The following MTMR3 variants were observed in gnomAD, a reference collection of about 807,000 sequenced individuals.
The protein encoded by MTMR3 is phosphatidylinositol-3,5-bisphosphate 3-phosphatase MTMR3.
In MTMR3, 32 loss-of-function variants were observed where a neutral mutation model predicts 132.4. The ratio of observed to expected loss-of-function variants is 0.24; its 90% CI spans 0.18 to 0.32. The LOEUF is 0.32. MTMR3 is among the 10% of genes least tolerant of loss of function. MTMR3 has a pLI of 1.00. For missense variants in MTMR3, 1,216 were observed against 1,489.6 expected, an observed-to-expected ratio of 0.82 and a Z score of 3.02; for synonymous variants, 556 against 550.3, an observed-to-expected ratio of 1.01 and a Z score of -0.14.
Position 30,019,490 on chromosome 22 carries a change from A to T in MTMR3, c.1831A>T (p.Thr611Ser), listed in dbSNP as rs1240556142. The T allele has an allele frequency of 6.2e-7, 1 of 1,603,564 alleles. No individual in the cohort carries two copies. The highest frequency in any genetic ancestry group is 8.5e-7 in the Non-Finnish European group (1 of 1,178,418). Residue 611 changes from threonine (T) to serine (S), a missense_variant, in exon 17 of 20, where the codon ACT becomes TCT. Physicochemically the swap from Thr to Ser is moderately conservative, Grantham distance 58. Around this residue, in one of 7 missense-constraint regions of MTMR3, gnomAD observed 852 missense variants for 852.0 expected, o/e 1.00. Transcript: ENST00000401950. ...ATTCCTTTCCTTTAGGCTACCAAAG[A>T]CTAGATCATACGACAATCTGACCAC... The part of the protein sequence containing the change: ...DDPPLSRLPK[T>S]RSYDNLTTAC...
intron 9 of MTMR3, 144 bp from the exon 10 acceptor site, chr22:30,006,970 A>T: frequency 1.4e-6 from 1 of 719,438 alleles, no homozygotes; most frequent in Non-Finnish European, 2.3e-6. Context: ...TAAGATTTCT[A>T]CCCTCTTTAA....
chr22:29,954,036 C>CT lies in MTMR3; in HGVS notation c.-137-2991dup, dbSNP rs763813370. Among the ~76,000 whole-genome samples the CT allele has an allele frequency of 1.0e-3, 106 of 105,784 alleles. 1 individual carries two copies. The East Asian group carries it at 0.015, about 15-fold the overall frequency. The allele number at this position is 105,784 out of a possible 152,430, so 69.4% of individuals were successfully genotyped here. On this transcript the variant is annotated intron_variant, in intron 1 of 19. Coordinates refer to ENST00000401950, the MANE Select transcript of MTMR3 (RefSeq NM_021090.4). ...CTTTCAGACTCACCTCTACTTGGCC[C>CT]TTTTTTTTTCTTTCAAATGAGTCTT...
chr22:29,967,249 G>GCGCA (rs2066446021), intron 2 of MTMR3, among the ~76,000 whole-genome samples: 1 of 149,778 alleles, frequency 6.7e-6, no homozygotes, highest in Non-Finnish European at 1.5e-5. Context: ...GCGCGCGCGC[G>GCGCA]CATGTTTTTT....
intron 1 of MTMR3, among the ~76,000 whole-genome samples, chr22:29,913,270 TCTTAGTTATACA>T (rs2065248581): frequency 2.0e-5 from 3 of 151,944 alleles, no homozygotes; most frequent in African/African-American, 7.3e-5. Flanking sequence ...AAACAAAGGG[TCTTAGTTATACA>T]GATCTTCTTA....
chr22:29,925,452 G>T (rs1199714732), intron 1 of MTMR3, among the ~76,000 whole-genome samples: 1 of 151,942 alleles, frequency 6.6e-6, no homozygotes, highest in African/African-American at 2.4e-5. Context: ...AAGAGTAATT[G>T]TAGTGGATAA....
chr22:29,910,567 G>A (rs928574304), intron 1 of MTMR3, among the ~76,000 whole-genome samples: 1 of 152,120 alleles, frequency 6.6e-6, no homozygotes, highest in Non-Finnish European at 1.5e-5. Context: ...TTACTGTGGC[G>A]ACTATATGAT....
At chr22:29,965,236 T>C (rs2066391704) in intron 2 of MTMR3, among the ~76,000 whole-genome samples, 1 of 151,970 alleles carries the variant, frequency 6.6e-6, no homozygotes, top group Non-Finnish European at 1.5e-5. Context: ...TAACACATAC[T>C]AGATTATTGG....
chr22:30,023,771 G>T, intron 19 of MTMR3: 1 of 437,282 alleles, frequency 2.3e-6, no homozygotes, highest in Non-Finnish European at 4.2e-6. Context: ...AGGGGAACCA[G>T]TTGGGTTTTC....
In MTMR3 at chr22:30,020,592, G is replaced by A. The variant is rs931419555; in HGVS notation, c.2933G>A (p.Ser978Asn). 5.0e-6 allele frequency: 8 copies of A among 1,614,072 alleles called. No individual in the cohort carries two copies. Among genetic ancestry groups the A allele is most frequent in the African/African-American group, 1.3e-5 (1 of 74,936 alleles). Reference protein sequence around the residue: ...DSLSRQLSAMSCSSAHLHSRN... With the variant: ...DSLSRQLSAMNCSSAHLHSRN... The stretch of plus-strand genomic sequence containing the variant: ...CTGAGCCGTCAGCTGTCTGCTATGA[G>A]CTGCAGCTCTGCCCACTTACACTCA... The change falls in exon 17 of 20, where the codon AGC (serine) becomes AAC (asparagine). Residue 978 changes from serine (S) to asparagine (N), a missense_variant. By Grantham distance (46) the Ser-to-Asn change is conservative. Coordinates refer to ENST00000401950, the MANE Select transcript of MTMR3 (RefSeq NM_021090.4).
chr22:30,007,846 A>C (rs2067307142), intron 10 of MTMR3, 55 bp from the exon 11 acceptor site: 1 of 1,591,642 alleles, frequency 6.3e-7, no homozygotes, highest in Non-Finnish European at 8.6e-7. Flanking sequence ...CTAATTCTGC[A>C]CAGTTCTGGG....
In MTMR3 at chr22:30,020,174, G is replaced by A. The variant is rs777456620; in HGVS notation, c.2515G>A (p.Gly839Arg). The change falls in exon 17 of 20, where the codon GGA (glycine) becomes AGA (arginine). Residue 839 changes from glycine to arginine, a missense_variant. Gly to Arg is a moderately radical substitution (Grantham distance 125). Around this residue, in one of 7 missense-constraint regions of MTMR3, gnomAD observed 852 missense variants for 852.0 expected, o/e 1.00. Coordinates refer to ENST00000401950, the MANE Select transcript of MTMR3 (RefSeq NM_021090.4). ...LPSQVPFETR[G>R]PNVDSSTDML... ...TTCCCAAGTCCCTTTTGAGACCAGA[G>A]GACCAAACGTGGACAGTTCTACAGA... 1 of 1,614,180 alleles carries A rather than the reference G, an allele frequency of 6.2e-7. No homozygotes were observed.
At chr22:29,900,592 A>G (rs1214150666) in intron 1 of MTMR3, among the ~76,000 whole-genome samples, 1 of 152,148 alleles carries the variant, frequency 6.6e-6, no homozygotes, top group Non-Finnish European at 1.5e-5. Flanking sequence ...GTATTAACTC[A>G]TTTAATAGTC....
At chr22:30,012,246 TGGCAG>T in intron 12 of MTMR3, 117 bp from the exon 13 acceptor site, 2 of 1,063,894 alleles carry the variant, frequency 1.9e-6, no homozygotes, top group Admixed American at 2.6e-5. Context: ...TTTTTTGTTT[TGGCAG>T]TGTTATATTT....
intron 1 of MTMR3, among the ~76,000 whole-genome samples, chr22:29,943,300 C>T (rs1195957024): frequency 6.6e-6 from 1 of 151,990 alleles, no homozygotes; most frequent in Non-Finnish European, 1.5e-5. Context: ...TCATGCCATT[C>T]TCCTGCCTCA....
At chr22:29,923,041 ATT>A (rs36099310) in intron 1 of MTMR3, among the ~76,000 whole-genome samples, 6 of 129,934 alleles carry the variant, frequency 4.6e-5, no homozygotes, top group Non-Finnish European at 8.1e-5. Context: ...CATCCAGCCA[ATT>A]TTTTTTTTTT....
intron 8 of MTMR3, chr22:29,999,871 G>A (rs1345805077): frequency 6.6e-6 from 1 of 152,196 alleles, no homozygotes; most frequent in Non-Finnish European, 1.5e-5. Context: ...AATTAGCTGG[G>A]CGTGGTGGTG....
intron 1 of MTMR3, among the ~76,000 whole-genome samples, chr22:29,886,810 T>A (rs2064686708): frequency 1.3e-5 from 2 of 152,206 alleles, no homozygotes; most frequent in African/African-American, 4.8e-5. Context: ...AGTGTTGAAA[T>A]CAAATTGGGT....
intron 7 of MTMR3, chr22:29,994,232 C>A: frequency 1.5e-6 from 1 of 658,136 alleles, no homozygotes; most frequent in Non-Finnish European, 1.9e-6. Flanking sequence ...TGTTTCTTCC[C>A]AGTATACACA....
intron 1 of MTMR3, among the ~76,000 whole-genome samples, chr22:29,906,690 G>A (rs2065110939): frequency 6.6e-6 from 1 of 152,066 alleles, no homozygotes; most frequent in Non-Finnish European, 1.5e-5. Flanking sequence ...TTTATTCAGA[G>A]CTAGGAGCTT....
Sources: allele counts gnomAD v4.1 joint callset (sites outside exome capture counted in the v4.1 genomes callset), GRCh38; gene constraint gnomAD v4.1.1; regional missense constraint gnomAD v4.1.1; transcripts MANE v1.5; gene names NCBI Gene and HGNC (gene_info 2026-07-23, HGNC 2026-07-21).